CNTLN: variants seen among roughly 807,000 people sequenced by gnomAD.
CNTLN encodes centlein.
CNTLN carries 212 observed loss-of-function variants against 180.0 expected under a neutral mutation model. That is an observed-to-expected ratio of 1.18 (90% confidence interval 1.05 to 1.32). CNTLN has a LOEUF of 1.32. CNTLN is among the 40% of genes most tolerant of loss of function. The probability of loss-of-function intolerance (pLI) is 0.00; values close to 1 mark genes in which losing one functional copy is unlikely to be tolerated. For missense variants in CNTLN, 2,095 were observed against 1,610.9 expected, an observed-to-expected ratio of 1.30 and a Z score of -5.14; for synonymous variants, 722 against 563.1, an observed-to-expected ratio of 1.28 and a Z score of -3.99.
intron 13 of CNTLN, among the ~76,000 whole-genome samples, chr9:17,374,375 A>G (rs901694032): frequency 6.6e-6 from 1 of 152,228 alleles, no homozygotes; most frequent in Non-Finnish European, 1.5e-5. Context: ...GCTCAACATT[A>G]TTGATCATCA....
intron 2 of CNTLN, among the ~76,000 whole-genome samples, chr9:17,152,271 C>G (rs769530685): frequency 2.0e-5 from 3 of 152,160 alleles, no homozygotes; most frequent in Non-Finnish European, 4.4e-5. Flanking sequence ...AATTTTAGAT[C>G]TTTCCTGCTT....
intron 2 of CNTLN, among the ~76,000 whole-genome samples, chr9:17,184,436 A>T (rs569148768): frequency 0.02 from 3,082 of 152,274 alleles, 102 homozygotes; most frequent in African/African-American, 0.07. Flanking sequence ...GCTATTTCAA[A>T]ATCATACGTT....
At chr9:17,498,649 A>G (rs1474274751) in intron 25 of CNTLN, among the ~76,000 whole-genome samples, 1 of 152,172 alleles carries the variant, frequency 6.6e-6, no homozygotes, top group Non-Finnish European at 1.5e-5. Context: ...TCTTTATGCT[A>G]AAGAGTTCAA....
At chr9:17,319,273 G>T (rs1159998349) in intron 8 of CNTLN, among the ~76,000 whole-genome samples, 1 of 152,322 alleles carries the variant, frequency 6.6e-6, no homozygotes, top group East Asian at 1.9e-4. Flanking sequence ...AAGCATCCTA[G>T]GGTGGGAGTA....
chr9:17,450,121 C>T (rs928911735), intron 18 of CNTLN, among the ~76,000 whole-genome samples: 5 of 152,154 alleles, frequency 3.3e-5, no homozygotes, highest in African/African-American at 1.2e-4. Context: ...CCATATTTCT[C>T]TGATAGAACC....
At chr9:17,191,583 C>CT in intron 2 of CNTLN, among the ~76,000 whole-genome samples, 1 of 152,194 alleles carries the variant, frequency 6.6e-6, no homozygotes, top group Non-Finnish European at 1.5e-5. Context: ...AATAGAGAAT[C>CT]TTTTTGATAC....
Position 17,415,948 on chromosome 9 carries a change from A to G in CNTLN, c.2891-18A>G, listed in dbSNP as rs779957017. On this transcript the variant is annotated intron_variant, in intron 17 of 25. Coordinates refer to ENST00000380647, the MANE Select transcript of CNTLN (RefSeq NM_017738.4). ...TAAATCTAATTTTTAAAATATGAAC[A>G]ATATTGTTTTTATGTAGTCAACAGA... 17 of 1,591,198 alleles carry G rather than the reference A, an allele frequency of 1.1e-5. No individual in the cohort carries two copies. The highest frequency in any genetic ancestry group is 1.4e-5 in the Non-Finnish European group (16 of 1,167,252).
chr9:17,388,078 C>A, intron 13 of CNTLN, 84 bp from the exon 14 acceptor site: 2 of 826,494 alleles, frequency 2.4e-6, no homozygotes, highest in Non-Finnish European at 3.7e-6. Flanking sequence ...AGTTGAAAAA[C>A]CATAGAACCC....
chr9:17,509,216 A>G, the CNTLN span, among the ~76,000 whole-genome samples: 3 of 152,320 alleles, frequency 2.0e-5, no homozygotes, highest in African/African-American at 2.4e-5. Flanking sequence ...ATCTTTCAGT[A>G]GCACAGACCA....
chr9:17,338,440 T>C (rs989893649), intron 10 of CNTLN, among the ~76,000 whole-genome samples: 7 of 146,266 alleles, frequency 4.8e-5, no homozygotes, highest in African/African-American at 1.7e-4. Context: ...CCCAAAGTGC[T>C]GAGATTAGAG....
intron 2 of CNTLN, among the ~76,000 whole-genome samples, chr9:17,186,092 C>T (rs184864036): frequency 6.6e-6 from 1 of 152,230 alleles, no homozygotes; most frequent in African/African-American, 2.4e-5. Context: ...GTGTCAGCCC[C>T]TCCCATTCTT....
At chr9:17,381,750 C>G (rs1825271455) in intron 13 of CNTLN, among the ~76,000 whole-genome samples, 1 of 152,196 alleles carries the variant, frequency 6.6e-6, no homozygotes, top group Non-Finnish European at 1.5e-5. Flanking sequence ...AACTGTGCTG[C>G]AGGCTGCAGG....
chr9:17,256,981 T>G (rs13289723), intron 5 of CNTLN, among the ~76,000 whole-genome samples: 2,797 of 152,078 alleles, frequency 0.018, 86 homozygotes, highest in African/African-American at 0.064. Context: ...TAACATTTTT[T>G]TTTTATTATT....
At chr9:17,509,882 C>T in the CNTLN span, among the ~76,000 whole-genome samples, 6 of 152,090 alleles carry the variant, frequency 3.9e-5, no homozygotes, top group Non-Finnish European at 8.8e-5. Context: ...TTTCATTGCA[C>T]TGGAATTTAA....
intron 12 of CNTLN, among the ~76,000 whole-genome samples, chr9:17,362,494 T>A (rs1823477917): frequency 7.9e-6 from 1 of 126,506 alleles, no homozygotes; most frequent in African/African-American, 2.9e-5. Context: ...AGTATACATA[T>A]CAAAGTGTAA....
chr9:17,312,364 T>A lies in CNTLN; in HGVS notation c.1341+3112T>A, dbSNP rs1268237295. On this transcript the variant is annotated intron_variant, in intron 8 of 25. Transcript: ENST00000380647. ...GTATTTATATATATATATATATATA[T>A]TATATATATATATATATATAATTTA... Among the ~76,000 whole-genome samples, 53 of 20,168 alleles carry A rather than the reference T, an allele frequency of 2.6e-3. 1 individual carries two copies. Among genetic ancestry groups the A allele is most frequent in the Admixed American group, 4.3e-3 (8 of 1,874 alleles). The allele number at this position is 20,168 out of a possible 152,430, so 13.2% of individuals were successfully genotyped here.
intron 7 of CNTLN, chr9:17,298,811 T>C: frequency 3.0e-6 from 3 of 986,216 alleles, no homozygotes; most frequent in South Asian, 4.7e-5. Context: ...TCCAGGATTT[T>C]TCTCTGTTTA....
At chr9:17,194,738 C>A (rs1050126546) in intron 2 of CNTLN, among the ~76,000 whole-genome samples, 5 of 152,134 alleles carry the variant, frequency 3.3e-5, no homozygotes, top group Non-Finnish European at 5.9e-5. Flanking sequence ...AGCAACCCCC[C>A]ACTCTACTGG....
Position 17,402,885 on chromosome 9 carries a change from G to T in CNTLN, c.2616-6408G>T, listed in dbSNP as rs936509778. Among the ~76,000 whole-genome samples the T allele has an allele frequency of 1.1e-4, 16 of 151,688 alleles. 1 individual carries two copies. Among genetic ancestry groups the T allele is most frequent in the African/African-American group, 3.9e-4 (16 of 41,082 alleles). ...GACTTCCTAGCCTTCACAATCACAT[G>T]AACCAATTCCTAAAGATATATACGT... On this transcript the variant is annotated intron_variant, in intron 15 of 25. Coordinates refer to ENST00000380647, the MANE Select transcript of CNTLN (RefSeq NM_017738.4).
Sources: allele counts gnomAD v4.1 joint callset (sites outside exome capture counted in the v4.1 genomes callset), GRCh38; gene constraint gnomAD v4.1.1; transcripts MANE v1.5; gene names NCBI Gene and HGNC (gene_info 2026-07-23, HGNC 2026-07-21).